The following HS6ST3 variants were observed in gnomAD, a reference collection of about 807,000 sequenced individuals.
The protein encoded by HS6ST3 is heparan sulfate 6-O-sulfotransferase 3.
A neutral mutation model predicts 36.7 loss-of-function variants in HS6ST3; 12 were observed. The ratio of observed to expected loss-of-function variants is 0.33; its 90% CI spans 0.21 to 0.53. The LOEUF is 0.53. Ranked by LOEUF, HS6ST3 falls within the 20% of genes least tolerant of loss-of-function variation. The pLI is 0.95. For missense variants in HS6ST3, 584 were observed against 640.9 expected (o/e 0.91, Z 0.96); for synonymous variants, 240 against 257.5 (o/e 0.93, Z 0.65).
At chr13:96,167,829 T>A (rs982585952) in intron 1 of HS6ST3, among the ~76,000 whole-genome samples, 4 of 152,218 alleles carry the variant, frequency 2.6e-5, no homozygotes, top group Non-Finnish European at 5.9e-5. Flanking sequence ...TATTTATAAA[T>A]ATATGTCTAA....
At chr13:96,255,431 A>G (rs1476494072) in intron 1 of HS6ST3, among the ~76,000 whole-genome samples, 1 of 152,190 alleles carries the variant, frequency 6.6e-6, no homozygotes, top group African/African-American at 2.4e-5. Context: ...TAGATTTTCT[A>G]AACTTTACAA....
At chr13:96,116,996 A>C (rs886082297) in intron 1 of HS6ST3, among the ~76,000 whole-genome samples, 1 of 152,166 alleles carries the variant, frequency 6.6e-6, no homozygotes, top group African/African-American at 2.4e-5. Flanking sequence ...ACATATATAA[A>C]CTTCAGAAAG....
intron 1 of HS6ST3, among the ~76,000 whole-genome samples, chr13:96,117,872 C>CTTT (rs758866628): frequency 7.0e-6 from 1 of 142,656 alleles, no homozygotes; most frequent in Non-Finnish European, 1.5e-5. Context: ...TAGAATGTGA[C>CTTT]TTTTTTTTTT....
intron 1 of HS6ST3, among the ~76,000 whole-genome samples, chr13:96,366,213 C>T (rs1356834047): frequency 1.3e-5 from 2 of 152,192 alleles, no homozygotes; most frequent in African/African-American, 2.4e-5. Flanking sequence ...TGGTGACTCA[C>T]GCCTGTAATC....
intron 1 of HS6ST3, among the ~76,000 whole-genome samples, chr13:96,263,866 G>T (rs926213245): frequency 2.0e-5 from 3 of 152,210 alleles, no homozygotes; most frequent in Non-Finnish European, 4.4e-5. Flanking sequence ...CCCTGGGAGG[G>T]TTGGGTAGGG....
At chr13:96,241,629 CTTT>C (rs200980868) in intron 1 of HS6ST3, among the ~76,000 whole-genome samples, 1 of 139,878 alleles carries the variant, frequency 7.1e-6, no homozygotes, top group African/African-American at 2.6e-5. Context: ...AATTTACCAA[CTTT>C]TTTTTTTTTT....
intron 1 of HS6ST3, among the ~76,000 whole-genome samples, chr13:96,628,491 C>G (rs1187677366): frequency 6.6e-6 from 1 of 151,956 alleles, no homozygotes; most frequent in Non-Finnish European, 1.5e-5. Context: ...ATCATTTCAT[C>G]CATTTAAATC....
chr13:96,633,727 A>G (rs1018918340), intron 1 of HS6ST3, among the ~76,000 whole-genome samples: 3 of 152,146 alleles, frequency 2.0e-5, no homozygotes, highest in Non-Finnish European at 4.4e-5. Context: ...CCTTAGATTC[A>G]TACGTTGATG....
chr13:96,560,526 G>C (rs4119691), intron 1 of HS6ST3, among the ~76,000 whole-genome samples: 26,155 of 152,008 alleles, frequency 0.17, 3,086 homozygotes, highest in African/African-American at 0.34. Context: ...CTTGCCAGAG[G>C]AATCAGGCAA....
intron 1 of HS6ST3, among the ~76,000 whole-genome samples, chr13:96,196,098 C>G (rs559939056): frequency 2.6e-4 from 39 of 152,222 alleles, no homozygotes; most frequent in African/African-American, 9.1e-4. Flanking sequence ...CCTGAGAGCA[C>G]AGATGTGAGT....
chr13:96,323,827 C>T (rs780661976), intron 1 of HS6ST3, among the ~76,000 whole-genome samples: 5 of 152,148 alleles, frequency 3.3e-5, no homozygotes, highest in Admixed American at 6.5e-5. Flanking sequence ...TTATTTTCTT[C>T]CCACCACCAG....
chr13:96,430,768 C>G (rs988900044), intron 1 of HS6ST3, among the ~76,000 whole-genome samples: 1 of 152,222 alleles, frequency 6.6e-6, no homozygotes, highest in Non-Finnish European at 1.5e-5. Context: ...CCTTCGGAAG[C>G]TGCTGCTCTG....
chr13:96,192,846 T>C (rs984182205), intron 1 of HS6ST3, among the ~76,000 whole-genome samples: 3 of 151,238 alleles, frequency 2.0e-5, no homozygotes, highest in Non-Finnish European at 4.4e-5. Flanking sequence ...TATAGAAATA[T>C]ATTAAATTAG....
chr13:96,219,829 G>A (rs941522120), intron 1 of HS6ST3, among the ~76,000 whole-genome samples: 3 of 152,036 alleles, frequency 2.0e-5, no homozygotes, highest in East Asian at 1.9e-4. Flanking sequence ...GACTACAGGC[G>A]CGTGCCACCA....
At chr13:96,570,274 C>T (rs1042583593) in intron 1 of HS6ST3, among the ~76,000 whole-genome samples, 2 of 152,078 alleles carry the variant, frequency 1.3e-5, no homozygotes, top group African/African-American at 4.8e-5. Context: ...CATTTTTATA[C>T]CATACAGTTT....
intron 1 of HS6ST3, among the ~76,000 whole-genome samples, chr13:96,520,370 A>G (rs1329684142): frequency 6.6e-6 from 1 of 152,146 alleles, no homozygotes; most frequent in Admixed American, 6.5e-5. Context: ...AGTTTAAAAT[A>G]GTTTTTTCCA....
intron 1 of HS6ST3, among the ~76,000 whole-genome samples, chr13:96,254,345 C>T (rs897400467): frequency 1.5e-5 from 2 of 136,806 alleles, no homozygotes; most frequent in Admixed American, 7.7e-5. Context: ...ACCCGGGAGG[C>T]AGAGGGTGCA....
At chr13:96,330,287 T>G (rs7990098) in intron 1 of HS6ST3, among the ~76,000 whole-genome samples, 68,968 of 151,514 alleles carry the variant, frequency 0.46, 16,124 homozygotes, top group African/African-American at 0.54. Flanking sequence ...TTGATGGTCT[T>G]TACATTTTGG....
chr13:96,519,284 T>C (rs2056084348), intron 1 of HS6ST3, among the ~76,000 whole-genome samples: 1 of 152,218 alleles, frequency 6.6e-6, no homozygotes, highest in Non-Finnish European at 1.5e-5. Context: ...CCTACCAGGA[T>C]TGGTATCGTG....
Sources: allele counts gnomAD v4.1 joint callset (sites outside exome capture counted in the v4.1 genomes callset), GRCh38; gene constraint gnomAD v4.1.1; transcripts MANE v1.5; gene names NCBI Gene and HGNC (gene_info 2026-07-23, HGNC 2026-07-21).